The following ADGRG4 variants were observed in gnomAD, a reference collection of about 807,000 sequenced individuals.
ADGRG4 encodes the protein adhesion G protein-coupled receptor G4.
Under a neutral mutation model 126.2 loss-of-function variants are expected in ADGRG4, and 122 were observed. The observed-to-expected ratio is 0.97, with a 90% confidence interval of 0.83 to 1.12. ADGRG4 has a LOEUF of 1.12. Ranked by LOEUF, ADGRG4 falls within the 50% of genes most tolerant of loss-of-function variation. ADGRG4 has a pLI of 0.00. For missense variants in ADGRG4, 2,481 were observed against 2,251.8 expected (o/e 1.10, Z -2.06); for synonymous variants, 943 against 838.7 (o/e 1.12, Z -2.15).
At chrX:136,313,090 A>T (rs2074783426) in intron 4 of ADGRG4, among the ~76,000 whole-genome samples, 1 of 112,652 alleles carries the variant, frequency 8.9e-6, no homozygotes, top group African/African-American at 3.2e-5. Flanking sequence ...CTACATTTTG[A>T]CTATTATGAA....
chrX:136,409,521 A>G (rs190072024), intron 23 of ADGRG4, among the ~76,000 whole-genome samples: 33 of 111,777 alleles, frequency 3.0e-4, no homozygotes, highest in Middle Eastern at 4.7e-3. Context: ...CTGCTCTGAG[A>G]CTGTGGTTTG....
rs77774102 is a variant in ADGRG4 at position 136,312,976 on chromosome X, A to G, written c.70+4129A>G. On this transcript the variant is annotated intron_variant, in intron 4 of 25. Transcript: ENST00000394143. Reference sequence around the variant, plus strand: ...TTTTCAAGGTTCATCCATGTGTAGCATGCATCAGCAGTTCATTTATTTTTA... The same window carrying G: ...TTTTCAAGGTTCATCCATGTGTAGCGTGCATCAGCAGTTCATTTATTTTTA... 5.3e-5 allele frequency among the ~76,000 whole-genome samples: 6 copies of G among 112,511 alleles called. No homozygotes were observed. The East Asian group carries it at 1.1e-3, about 21-fold the overall frequency.
chrX:136,415,013 A>C (rs1338577136), intron 25 of ADGRG4, among the ~76,000 whole-genome samples: 3 of 112,596 alleles, frequency 2.7e-5, no homozygotes, highest in African/African-American at 9.7e-5. Context: ...AGTAAAGAGA[A>C]AGGCAAAGTG....
At chrX:136,398,731 A>G (rs956670774) in intron 20 of ADGRG4, among the ~76,000 whole-genome samples, 5 of 112,237 alleles carry the variant, frequency 4.5e-5, no homozygotes, top group Non-Finnish European at 1.9e-5. Context: ...TACCTGTTAA[A>G]TATAAATATA....
At chrX:136,325,411 C>T (rs1394975071) in intron 5 of ADGRG4, among the ~76,000 whole-genome samples, 1 of 111,974 alleles carries the variant, frequency 8.9e-6, no homozygotes, top group Non-Finnish European at 1.9e-5. Context: ...TGTTTTTTCT[C>T]TTTTCTGGGG....
intron 5 of ADGRG4, among the ~76,000 whole-genome samples, chrX:136,339,890 T>C (rs191656647): frequency 1.5e-4 from 17 of 112,076 alleles, no homozygotes; most frequent in African/African-American, 4.5e-4. Flanking sequence ...CGTAGACAGA[T>C]AGGGTGCAAC....
intron 23 of ADGRG4, among the ~76,000 whole-genome samples, chrX:136,408,633 T>G (rs1273029093): frequency 8.9e-6 from 1 of 112,143 alleles, no homozygotes; most frequent in East Asian, 2.8e-4. Context: ...GGGCACCTAG[T>G]TTGATTCCAT....
chrX:136,416,522 G>A lies in ADGRG4; in HGVS notation c.*31G>A, dbSNP rs761672650. The A allele has an allele frequency of 6.4e-6, 7 of 1,089,494 alleles. No individual in the cohort carries two copies. In the South Asian group the frequency reaches 9.6e-5, roughly 15 times the overall value. 89.8% of individuals were successfully genotyped at this position (1,089,494 alleles called of 1,213,427 possible). ...GAAGTTGTGCCTAATTATGTAAAAA[G>A]AATATAATACCTGTGGAAATAAAAA... On this transcript the variant is annotated 3_prime_UTR_variant, in exon 26 of 26. Coordinates refer to ENST00000394143, the MANE Select transcript of ADGRG4 (RefSeq NM_153834.4).
chrX:136,323,456 C>A, intron 5 of ADGRG4, 64 bp downstream of exon 5: 3 of 1,015,952 alleles, frequency 3.0e-6, no homozygotes, highest in Non-Finnish European at 4.0e-6. Context: ...TCTCTGCTAG[C>A]AGTGGCCCCA....
intron 4 of ADGRG4, among the ~76,000 whole-genome samples, chrX:136,312,269 T>G (rs920295647): frequency 1.8e-5 from 2 of 112,428 alleles, no homozygotes; most frequent in African/African-American, 6.5e-5. Context: ...CAGAAGGTTT[T>G]ATTAGACAGC....
At chrX:136,330,333 T>A (rs769128442) in intron 5 of ADGRG4, among the ~76,000 whole-genome samples, 1 of 111,033 alleles carries the variant, frequency 9.0e-6, no homozygotes, top group Non-Finnish European at 1.9e-5. Flanking sequence ...ATTGTGTCAT[T>A]TCAACAATAT....
At chrX:136,339,766 T>C (rs1569320616) in intron 5 of ADGRG4, among the ~76,000 whole-genome samples, 1 of 112,398 alleles carries the variant, frequency 8.9e-6, no homozygotes, top group Admixed American at 9.4e-5. Flanking sequence ...TTTATAGTTG[T>C]ACCTTTTGGG....
chrX:136,308,840 T>C lies in ADGRG4; in HGVS notation c.63T>C (p.Phe21=), dbSNP rs1603290179. The C allele has an allele frequency of 9.2e-7, 1 of 1,086,425 alleles. No individual in the cohort carries two copies. The highest frequency in any genetic ancestry group is 1.8e-5 in the African/African-American group (1 of 55,581). The allele number at this position is 1,086,425 out of a possible 1,213,427, so 89.5% of individuals were successfully genotyped here. Residue 21 remains phenylalanine, a synonymous_variant, in exon 4 of 26, where the codon TTT becomes TTC. Transcript: ENST00000394143. ...YGLILMSSFI[F]LSDTLSLKGK... ...TGATTCTCATGTCGAGTTTTATCTTTCTCTCAGGTAAGAAAATGTATTCTT... is the reference window on the plus strand; with the variant it reads ...TGATTCTCATGTCGAGTTTTATCTTCCTCTCAGGTAAGAAAATGTATTCTT...
At position 136,344,630 on chromosome X, in the gene ADGRG4, T is replaced by C; in HGVS notation, c.924T>C (p.Asp308=). Residue 308 remains aspartate, a synonymous_variant, in exon 6 of 26, where the codon GAT becomes GAC. Transcript: ENST00000394143. ...AAAAAATCTTAAAGACACTGGTAGA[T>C]GAGACAGCTACATTTGCAGTGGATG... is the stretch of plus-strand genomic sequence containing the variant. ...TAQKILKTLV[D]ETATFAVDVL... The C allele has an allele frequency of 1.7e-6, 2 of 1,210,531 alleles. No individual in the cohort carries two copies. The highest frequency in any genetic ancestry group is 2.2e-6 in the Non-Finnish European group (2 of 894,411).
At chrX:136,415,853 G>A (rs1312669478) in intron 25 of ADGRG4, among the ~76,000 whole-genome samples, 1 of 112,176 alleles carries the variant, frequency 8.9e-6, no homozygotes, top group Non-Finnish European at 1.9e-5. Context: ...ACCATATCCA[G>A]GATATTGATG....
chrX:136,349,461 T>C lies in ADGRG4; in HGVS notation c.5755T>C (p.Leu1919=). The C allele has an allele frequency of 8.3e-7, 1 of 1,206,601 alleles. No individual in the cohort carries two copies. The highest frequency in any genetic ancestry group is 1.1e-6 in the Non-Finnish European group (1 of 890,798). The change falls in exon 6 of 26, where the codon TTG becomes CTG. Residue 1919 remains leucine, a synonymous_variant. Coordinates refer to ENST00000394143, the MANE Select transcript of ADGRG4 (RefSeq NM_153834.4). ...GACTCTACACCTTGTTCCTGGGCCT[T>C]TGTCAACATTCACAGCCTCTCAGAC... ...TETLHLVPGP[L]STFTASQTGL...
chrX:136,390,104 G>A (rs1469848370), intron 16 of ADGRG4, among the ~76,000 whole-genome samples: 1 of 111,754 alleles, frequency 8.9e-6, no homozygotes, highest in African/African-American at 3.3e-5. Context: ...AGGCTGGAGT[G>A]TAGTGGTGCA....
chrX:136,345,353 G>A lies in ADGRG4; in HGVS notation c.1647G>A (p.Ser549=), dbSNP rs370549991. ...AAGATGCCATGTCTACTTCCATGTC[G>A]AAAGAGACCTCCTCTAAGACCTTTT... ...RVEDAMSTSM[S]KETSSKTFSF... is the part of the protein sequence containing the mutation. The change falls in exon 6 of 26, where the codon TCG becomes TCA. Residue 549 remains serine, a synonymous_variant. Coordinates refer to ENST00000394143, the MANE Select transcript of ADGRG4 (RefSeq NM_153834.4). 11 of 1,208,911 alleles carry A rather than the reference G, an allele frequency of 9.1e-6. No individual in the cohort carries two copies. The highest frequency in any genetic ancestry group is 7.0e-5 in the African/African-American group (4 of 57,138).
chrX:136,308,871 C>T (rs373230154), intron 4 of ADGRG4, 24 bp downstream of exon 4: 5 of 878,682 alleles, frequency 5.7e-6, no homozygotes, highest in Non-Finnish European at 8.4e-6. Flanking sequence ...TTCTTATTAT[C>T]TCTTTCAATG....
Sources: allele counts gnomAD v4.1 joint callset (sites outside exome capture counted in the v4.1 genomes callset), GRCh38; gene constraint gnomAD v4.1.1; transcripts MANE v1.5; gene names NCBI Gene and HGNC (gene_info 2026-07-23, HGNC 2026-07-21).